The following CCSER1 variants were observed in gnomAD, a reference collection of about 807,000 sequenced individuals.
The protein encoded by CCSER1 is coiled-coil serine rich protein 1, also known as serine-rich coiled-coil domain-containing protein 1.
In CCSER1, 41 loss-of-function variants were observed where a neutral mutation model predicts 82.0. The ratio of observed to expected loss-of-function variants is 0.50; its 90% CI spans 0.39 to 0.65. The LOEUF is 0.65. Ranked by LOEUF, CCSER1 falls within the 30% of genes least tolerant of loss-of-function variation. CCSER1 has a pLI of 0.00. For synonymous variants in CCSER1, 414 were observed against 383.9 expected, an observed-to-expected ratio of 1.08 and a Z score of -0.92; for missense variants, 1,119 against 1,064.2, an observed-to-expected ratio of 1.05 and a Z score of -0.72.
At chr4:90,726,559 T>C (rs1169533030) in intron 7 of CCSER1, among the ~76,000 whole-genome samples, 1 of 152,066 alleles carries the variant, frequency 6.6e-6, no homozygotes, top group Non-Finnish European at 1.5e-5. Flanking sequence ...TTTTCCAATA[T>C]GGCAGCATTT....
rs185055607 is a variant in CCSER1 at position 90,289,665 on chromosome 4, G to A, written c.-41-18579G>A. 2.1e-3 allele frequency among the ~76,000 whole-genome samples: 324 copies of A among 151,716 alleles called. 2 individuals are homozygous for A. Among genetic ancestry groups the A allele is most frequent in the African/African-American group, 7.6e-3 (314 of 41,428 alleles). On this transcript the variant is annotated intron_variant, in intron 1 of 10. Coordinates refer to ENST00000509176, the MANE Select transcript of CCSER1 (RefSeq NM_001145065.2). ...ATTAAGAAAACACAGTTCTGTAGAGGGTGCTGATTCAGTAGTTTTTCACAG... is the reference window on the plus strand; with the variant it reads ...ATTAAGAAAACACAGTTCTGTAGAGAGTGCTGATTCAGTAGTTTTTCACAG...
At chr4:91,393,161 C>G (rs1465739515) in intron 10 of CCSER1, among the ~76,000 whole-genome samples, 2 of 151,892 alleles carry the variant, frequency 1.3e-5, no homozygotes, top group South Asian at 2.1e-4. Flanking sequence ...GAAACTAACT[C>G]TTCTGTCTCG....
chr4:91,585,735 G>C (rs1763955960), intron 10 of CCSER1, among the ~76,000 whole-genome samples: 1 of 151,454 alleles, frequency 6.6e-6, no homozygotes, highest in East Asian at 1.9e-4. Context: ...GAAGGAGAAA[G>C]TTTTTCATGT....
chr4:91,076,191 T>C (rs997461249), intron 9 of CCSER1, among the ~76,000 whole-genome samples: 1 of 152,158 alleles, frequency 6.6e-6, no homozygotes, highest in African/African-American at 2.4e-5. Context: ...TCATCAGATA[T>C]ACTGCTTCAG....
chr4:90,585,550 T>G (rs569987744), intron 5 of CCSER1, among the ~76,000 whole-genome samples: 12 of 152,316 alleles, frequency 7.9e-5, no homozygotes, highest in African/African-American at 2.4e-4. Context: ...CCTAGCTAAT[T>G]AATATTATAT....
rs987965898 is a variant in CCSER1 at position 91,530,574 on chromosome 4, T to C, written c.2218-67998T>C. On this transcript the variant is annotated intron_variant, in intron 10 of 10. Transcript: ENST00000509176. The stretch of plus-strand genomic sequence containing the variant: ...ATTCACTTTCTACACAAGCTGATTG[T>C]TAAACATTGAATCATTACATATTTT... Among the ~76,000 whole-genome samples, 16 of 152,118 alleles carry C rather than the reference T, an allele frequency of 1.1e-4. 1 individual carries two copies. Among genetic ancestry groups the C allele is most frequent in the African/African-American group, 3.4e-4 (14 of 41,438 alleles).
chr4:90,299,030 G>A (rs1579039255), intron 1 of CCSER1, among the ~76,000 whole-genome samples: 1 of 151,432 alleles, frequency 6.6e-6, no homozygotes, highest in African/African-American at 2.4e-5. Flanking sequence ...TAAAAACTAA[G>A]ATTGTATCTG....
intron 7 of CCSER1, among the ~76,000 whole-genome samples, chr4:90,733,437 C>G (rs1360870514): frequency 6.6e-6 from 1 of 151,780 alleles, no homozygotes; most frequent in Non-Finnish European, 1.5e-5. Flanking sequence ...TATGTTAATC[C>G]CTTGTTCAGT....
At chr4:91,310,664 G>T (rs1745403804) in intron 10 of CCSER1, among the ~76,000 whole-genome samples, 1 of 151,788 alleles carries the variant, frequency 6.6e-6, no homozygotes, top group African/African-American at 2.4e-5. Context: ...TTCGCTAAGG[G>T]TACATGTTCT....
chr4:91,584,491 T>G (rs1763892198), intron 10 of CCSER1, among the ~76,000 whole-genome samples: 1 of 151,510 alleles, frequency 6.6e-6, no homozygotes, highest in Admixed American at 6.6e-5. Flanking sequence ...AGATCACTTT[T>G]ATATCAATAG....
chr4:90,319,989 A>G (rs1736839637), intron 3 of CCSER1, among the ~76,000 whole-genome samples: 1 of 152,218 alleles, frequency 6.6e-6, no homozygotes, highest in Admixed American at 6.5e-5. Context: ...TTTTAGGTTA[A>G]TAGCCCTAAT....
intron 1 of CCSER1, among the ~76,000 whole-genome samples, chr4:90,138,998 A>G (rs1578149684): frequency 6.6e-6 from 1 of 152,176 alleles, no homozygotes; most frequent in African/African-American, 2.4e-5. Flanking sequence ...TCCTGTCCCC[A>G]TATAATTGAT....
intron 9 of CCSER1, among the ~76,000 whole-genome samples, chr4:90,984,841 G>C (rs1034105322): frequency 2.0e-5 from 3 of 151,774 alleles, no homozygotes; most frequent in Non-Finnish European, 2.9e-5. Flanking sequence ...GTCAGACTTA[G>C]TATCTTAGTG....
intron 9 of CCSER1, among the ~76,000 whole-genome samples, chr4:90,933,058 G>A (rs545446076): frequency 9.2e-6 from 1 of 109,164 alleles, no homozygotes; most frequent in Non-Finnish European, 1.8e-5. Context: ...AGGAAGGAAC[G>A]AAGGAAAGAA....
chr4:91,206,291 T>C lies in CCSER1; in HGVS notation c.2217+120297T>C, dbSNP rs147039588. Among the ~76,000 whole-genome samples, 1,017 of 152,044 alleles carry C rather than the reference T, an allele frequency of 6.7e-3. 8 individuals are homozygous for C. The highest frequency in any genetic ancestry group is 0.023 in the African/African-American group (954 of 41,530). The stretch of plus-strand genomic sequence containing the variant: ...AACCACATCCACCCAAGGGATTCAG[T>C]AGGCATTCTTGTATGCTTAACAACA... On this transcript the variant is annotated intron_variant, in intron 10 of 10. Transcript: ENST00000509176.
chr4:90,476,700 G>T (rs893034363), intron 5 of CCSER1, among the ~76,000 whole-genome samples: 1 of 152,160 alleles, frequency 6.6e-6, no homozygotes, highest in Non-Finnish European at 1.5e-5. Flanking sequence ...AATTCCCAGA[G>T]AAACTGCTGC....
At chr4:90,440,038 C>A (rs1171239571) in intron 4 of CCSER1, among the ~76,000 whole-genome samples, 1 of 151,524 alleles carries the variant, frequency 6.6e-6, no homozygotes, top group African/African-American at 2.4e-5. Flanking sequence ...CTTGCTTTGT[C>A]ACCTAGGCTG....
chr4:91,176,985 A>G (rs1407618521), intron 10 of CCSER1, among the ~76,000 whole-genome samples: 1 of 152,150 alleles, frequency 6.6e-6, no homozygotes, highest in African/African-American at 2.4e-5. Context: ...TTATTTTGAG[A>G]TACGTCCCAT....
intron 8 of CCSER1, among the ~76,000 whole-genome samples, chr4:90,915,437 A>G (rs12506887): frequency 0.47 from 70,966 of 152,004 alleles, 18,234 homozygotes; most frequent in African/African-American, 0.7. Context: ...CAATAGATGC[A>G]GAAAAGGCCT....
Sources: allele counts gnomAD v4.1 joint callset (sites outside exome capture counted in the v4.1 genomes callset), GRCh38; gene constraint gnomAD v4.1.1; transcripts MANE v1.5; gene names NCBI Gene and HGNC (gene_info 2026-07-23, HGNC 2026-07-21).